The following L3MBTL3 variants were observed in gnomAD, a reference collection of about 807,000 sequenced individuals.
L3MBTL3 encodes the protein L3MBTL histone methyl-lysine binding protein 3.
Under a neutral mutation model 102.3 loss-of-function variants are expected in L3MBTL3, and 27 were observed. The ratio of observed to expected loss-of-function variants is 0.26; its 90% confidence interval spans 0.19 to 0.36. The LOEUF (loss-of-function observed/expected upper bound fraction) is 0.36. Ranked by LOEUF, L3MBTL3 falls within the 10% of genes least tolerant of loss-of-function variation. The pLI is 1.00. For synonymous variants in L3MBTL3, 340 were observed against 320.9 expected (o/e 1.06, Z -0.64); for missense variants, 798 against 955.3 (o/e 0.84, Z 2.17).
chr6:130,123,826 T>C (rs927892989), intron 20 of L3MBTL3, among the ~76,000 whole-genome samples: 1 of 152,140 alleles, frequency 6.6e-6, no homozygotes. Context: ...AAACCAAGGC[T>C]TATAGTATCT....
intron 18 of L3MBTL3, among the ~76,000 whole-genome samples, chr6:130,099,453 G>A (rs1330114736): frequency 1.3e-5 from 2 of 152,152 alleles, no homozygotes; most frequent in African/African-American, 4.8e-5. Flanking sequence ...ATTAGCACTG[G>A]TGAGTTTTTT....
At chr6:130,136,700 C>A (rs1368977222) in intron 22 of L3MBTL3, among the ~76,000 whole-genome samples, 3 of 152,118 alleles carry the variant, frequency 2.0e-5, no homozygotes, top group African/African-American at 7.2e-5. Flanking sequence ...TCACTGCAAC[C>A]TCTGCCTCCC....
At chr6:130,072,774 TATA>T (rs1187315670) in intron 13 of L3MBTL3, among the ~76,000 whole-genome samples, 2 of 152,282 alleles carry the variant, frequency 1.3e-5, no homozygotes, top group East Asian at 1.9e-4. Context: ...TTTTTAAAAA[TATA>T]ATAATAACTA....
At chr6:130,068,752 G>T (rs1183411379) in intron 12 of L3MBTL3, among the ~76,000 whole-genome samples, 1 of 152,136 alleles carries the variant, frequency 6.6e-6, no homozygotes, top group Non-Finnish European at 1.5e-5. Flanking sequence ...GTTCAAATGG[G>T]ATTCACATAG....
At chr6:130,090,379 AC>A (rs1254048757) in intron 16 of L3MBTL3, among the ~76,000 whole-genome samples, 2 of 152,168 alleles carry the variant, frequency 1.3e-5, no homozygotes, top group African/African-American at 4.8e-5. Context: ...GACTGTTATT[AC>A]CAAATAGCTT....
In L3MBTL3 at chr6:130,103,524, G is replaced by T. The variant is rs560632458; in HGVS notation, c.1737-902G>T. ...TCACTGTCATCTACACTGAAGAAAA[G>T]AACATAGAAGATTCTGATGTAATTT... On this transcript the variant is annotated intron_variant, in intron 18 of 22. Coordinates refer to ENST00000361794, the MANE Select transcript of L3MBTL3 (RefSeq NM_032438.4). Among the ~76,000 whole-genome samples, 28 of 152,268 alleles carry T rather than the reference G, an allele frequency of 1.8e-4. No homozygotes were observed. The South Asian group carries it at 5.6e-3, about 30-fold the overall frequency.
chr6:130,057,271 A>G (rs1781568038), intron 8 of L3MBTL3, 135 bp from the exon 9 acceptor site: 2 of 719,668 alleles, frequency 2.8e-6, no homozygotes, highest in African/African-American at 3.6e-5. Flanking sequence ...AGCCAGGAAG[A>G]GAGACAGAGA....
chr6:130,042,477 T>C (rs1426169716), intron 2 of L3MBTL3, among the ~76,000 whole-genome samples: 2 of 152,236 alleles, frequency 1.3e-5, no homozygotes, highest in Non-Finnish European at 2.9e-5. Context: ...AAGACATTTT[T>C]ATTAATATTT....
chr6:130,056,612 A>C (rs968468175), intron 8 of L3MBTL3, among the ~76,000 whole-genome samples: 1 of 152,198 alleles, frequency 6.6e-6, no homozygotes, highest in Admixed American at 6.5e-5. Flanking sequence ...CATCACTGAG[A>C]TGAAGGGTGT....
chr6:130,139,720 A>G lies in L3MBTL3; in HGVS notation c.2310A>G (p.Lys770=). 6.2e-7 allele frequency: 1 copy of G among 1,613,366 alleles called. No homozygotes were observed. Among genetic ancestry groups the G allele is most frequent in the Non-Finnish European group, 8.5e-7 (1 of 1,179,648 alleles). The change falls in exon 23 of 23, where the codon AAA becomes AAG. Residue 770 remains lysine (K), a synonymous_variant. Coordinates refer to ENST00000361794, the MANE Select transcript of L3MBTL3 (RefSeq NM_032438.4). ...LKIFNSILMF[K]AAEKNSHNEL The stretch of plus-strand genomic sequence containing the variant: ...TTTTCAATTCCATCCTGATGTTCAA[A>G]GCTGCAGAGAAGAATTCTCACAATG...
chr6:130,088,169 A>G (rs1371279568), intron 16 of L3MBTL3, among the ~76,000 whole-genome samples: 1 of 152,104 alleles, frequency 6.6e-6, no homozygotes, highest in Admixed American at 6.5e-5. Context: ...CCCCAGAAAT[A>G]CTGGCTGTGA....
chr6:130,019,237 G>A (rs1443317309), intron 1 of L3MBTL3: 3 of 145,976 alleles, frequency 2.1e-5, no homozygotes, highest in African/African-American at 7.5e-5. Flanking sequence ...GCTCCACCGG[G>A]GTGCGTGTCC....
intron 19 of L3MBTL3, among the ~76,000 whole-genome samples, chr6:130,108,600 T>C (rs1209540939): frequency 6.6e-6 from 1 of 152,168 alleles, no homozygotes; most frequent in African/African-American, 2.4e-5. Flanking sequence ...ATGTCTTTTA[T>C]TCCTTAGGAG....
At chr6:130,098,669 G>A (rs1784500619) in intron 18 of L3MBTL3, among the ~76,000 whole-genome samples, 2 of 152,086 alleles carry the variant, frequency 1.3e-5, no homozygotes, top group African/African-American at 4.8e-5. Flanking sequence ...CTCTGTGAAT[G>A]TTAGGCACTT....
chr6:130,029,649 C>T (rs1779587361), intron 2 of L3MBTL3, among the ~76,000 whole-genome samples: 1 of 152,130 alleles, frequency 6.6e-6, no homozygotes, highest in Admixed American at 6.5e-5. Context: ...CCCTGCTGCC[C>T]ACCTTTCCTG....
intron 8 of L3MBTL3, among the ~76,000 whole-genome samples, 173 bp from the exon 9 acceptor site, chr6:130,057,233 A>G (rs1489075801): frequency 6.6e-6 from 1 of 152,128 alleles, no homozygotes; most frequent in East Asian, 1.9e-4. Context: ...ACCACAGTTC[A>G]CTTTTTATCT....
At chr6:130,052,811 T>G in intron 6 of L3MBTL3, 48 bp from the exon 7 acceptor site, 1 of 1,558,902 alleles carries the variant, frequency 6.4e-7, no homozygotes, top group Non-Finnish European at 8.7e-7. Flanking sequence ...AGTAGATGTT[T>G]GATAGGTATT....
chr6:130,126,587 G>A (rs1209130510), intron 20 of L3MBTL3, among the ~76,000 whole-genome samples: 1 of 152,056 alleles, frequency 6.6e-6, no homozygotes, highest in African/African-American at 2.4e-5. Flanking sequence ...TTTTTACAAA[G>A]GTATTTTCTC....
intron 18 of L3MBTL3, among the ~76,000 whole-genome samples, chr6:130,102,869 A>G (rs560595580): frequency 6.6e-6 from 1 of 152,314 alleles, no homozygotes; most frequent in South Asian, 2.1e-4. Context: ...GTTTATCACC[A>G]TATGAAGTTA....
Sources: gnomAD v4.1 joint callset for allele counts (sites outside exome capture counted in the v4.1 genomes callset) on GRCh38, gnomAD v4.1.1 for gene constraint, MANE v1.5 for transcripts, NCBI Gene and HGNC (gene_info 2026-07-23, HGNC 2026-07-21) for gene names.